The following GABRB1 variants were observed in gnomAD, a reference collection of about 807,000 sequenced individuals.
GABRB1 encodes gamma-aminobutyric acid receptor subunit beta-1.
A neutral mutation model predicts 51.6 loss-of-function variants in GABRB1; 17 were observed. That is an observed-to-expected ratio of 0.33 (90% confidence interval 0.23 to 0.49). The LOEUF (loss-of-function observed/expected upper bound fraction) is 0.49, where lower values mean the gene tolerates loss of function less well. Ranked by LOEUF, GABRB1 falls within the 20% of genes least tolerant of loss-of-function variation. The pLI is 0.99. For missense variants in GABRB1, 410 were observed against 600.6 expected (o/e 0.68, Z 3.32); for synonymous variants, 247 against 218.9 (o/e 1.13, Z -1.14).
At chr4:47,387,244 C>T (rs1226912611) in intron 5 of GABRB1, among the ~76,000 whole-genome samples, 1 of 152,168 alleles carries the variant, frequency 6.6e-6, no homozygotes, top group Admixed American at 6.5e-5. Flanking sequence ...GGTGGATCAC[C>T]TGAGGTCAGA....
chr4:47,297,310 G>A (rs1377184415), intron 4 of GABRB1, among the ~76,000 whole-genome samples: 124 of 119,134 alleles, frequency 1.0e-3, no homozygotes, highest in East Asian at 1.9e-3. Context: ...AAAAATTAAT[G>A]AATCCAGGAG....
intron 4 of GABRB1, among the ~76,000 whole-genome samples, chr4:47,259,167 G>A (rs1420906642): frequency 6.6e-6 from 1 of 152,026 alleles, no homozygotes. Context: ...ATCCCAGCAT[G>A]CCTCTATGAA....
rs1464972669 is a variant in GABRB1, at chr4:47,033,427, G to T, written c.240+943G>T. Among the ~76,000 whole-genome samples, 3 of 152,134 alleles carry T rather than the reference G, an allele frequency of 2.0e-5. No homozygotes were observed. The East Asian group carries it at 5.8e-4, about 29-fold the overall frequency. ...CTGTTGCTTCTCGTAAGACGGAAAA[G>T]CCTGTTGCTTTTCTAGAATCAACCA... On this transcript the variant is annotated intron_variant, in intron 3 of 8. Coordinates refer to ENST00000295454, the MANE Select transcript of GABRB1 (RefSeq NM_000812.4).
At chr4:47,393,714 T>C (rs1417266939) in intron 5 of GABRB1, among the ~76,000 whole-genome samples, 1 of 152,234 alleles carries the variant, frequency 6.6e-6, no homozygotes, top group East Asian at 1.9e-4. Context: ...TATATGTTAC[T>C]TCTTCTGCCA....
intron 4 of GABRB1, among the ~76,000 whole-genome samples, chr4:47,216,339 G>C (rs1174878315): frequency 6.6e-6 from 1 of 151,816 alleles, no homozygotes; most frequent in South Asian, 2.1e-4. Context: ...GTGACATACA[G>C]TTTTCTACCC....
Position 47,091,489 on chromosome 4 carries a change from A to G in GABRB1, c.240+59005A>G, listed in dbSNP as rs188070928. 2.3e-4 allele frequency among the ~76,000 whole-genome samples: 35 copies of G among 152,300 alleles called. 1 individual carries two copies. The highest frequency in any genetic ancestry group is 1.8e-3 in the Admixed American group (28 of 15,294). The stretch of plus-strand genomic sequence containing the variant: ...TTAAAAACGCTCACTAAATTTTAGG[A>G]CCAAAGTAAGAACCATTTTTGTGAC... On this transcript the variant is annotated intron_variant, in intron 3 of 8. Coordinates refer to ENST00000295454, the MANE Select transcript of GABRB1 (RefSeq NM_000812.4).
intron 4 of GABRB1, among the ~76,000 whole-genome samples, chr4:47,165,457 C>T (rs180706498): frequency 4.2e-4 from 64 of 152,198 alleles, no homozygotes; most frequent in African/African-American, 1.5e-3. Context: ...ATGCTACTTT[C>T]CTATAACAAC....
chr4:47,309,686 T>A (rs562536127), intron 4 of GABRB1, among the ~76,000 whole-genome samples: 1 of 152,086 alleles, frequency 6.6e-6, no homozygotes, highest in African/African-American at 2.4e-5. Context: ...TACCTATAGG[T>A]TGACCAAAGT....
intron 1 of GABRB1, among the ~76,000 whole-genome samples, chr4:47,008,190 G>A (rs1292354559): frequency 6.6e-6 from 1 of 152,006 alleles, no homozygotes; most frequent in African/African-American, 2.4e-5. Context: ...CTTGAGTGTT[G>A]TCATTCATTA....
chr4:47,282,398 C>T (rs1357629258), intron 4 of GABRB1, among the ~76,000 whole-genome samples: 2 of 152,166 alleles, frequency 1.3e-5, no homozygotes, highest in Non-Finnish European at 2.9e-5. Context: ...CACATGCATG[C>T]TAGCACATAT....
chr4:47,247,420 T>G (rs1006587503), intron 4 of GABRB1, among the ~76,000 whole-genome samples: 17 of 152,196 alleles, frequency 1.1e-4, no homozygotes, highest in African/African-American at 4.1e-4. Flanking sequence ...TTGGTGACTA[T>G]AGCCTTACAG....
chr4:47,318,796 GA>G (rs1724971932), intron 4 of GABRB1, among the ~76,000 whole-genome samples: 1 of 152,022 alleles, frequency 6.6e-6, no homozygotes, highest in African/African-American at 2.4e-5. Context: ...ATTCACTTTT[GA>G]ATTGACAAAG....
intron 3 of GABRB1, among the ~76,000 whole-genome samples, chr4:47,110,103 A>C (rs1715154462): frequency 1.3e-5 from 2 of 152,262 alleles, no homozygotes; most frequent in African/African-American, 4.8e-5. Flanking sequence ...AAGGAACCTA[A>C]TGTGTCTAGC....
At position 47,019,947 on chromosome 4, in the gene GABRB1, T is replaced by C. The variant is rs61373437; in HGVS notation, c.-19-11967T>C. ...ACGTATATGTATACGTATATGTATA[T>C]GTATATGTATATATATTTTGTAGAG... On this transcript the variant is annotated intron_variant, in intron 1 of 3. Transcript: ENST00000513567. Among the ~76,000 whole-genome samples, 10 of 117,642 alleles carry C rather than the reference T, an allele frequency of 8.5e-5. No homozygotes were observed. The East Asian group carries it at 1.2e-3, about 14-fold the overall frequency. 77.2% of individuals were successfully genotyped at this position (117,642 alleles called of 152,430 possible).
chr4:47,312,286 C>A (rs1724720416), intron 4 of GABRB1, among the ~76,000 whole-genome samples: 1 of 152,128 alleles, frequency 6.6e-6, no homozygotes, highest in Non-Finnish European at 1.5e-5. Context: ...TCATTTATGT[C>A]TCACGCTCCC....
chr4:47,081,289 T>A (rs564149382), intron 3 of GABRB1, among the ~76,000 whole-genome samples: 1 of 152,158 alleles, frequency 6.6e-6, no homozygotes, highest in African/African-American at 2.4e-5. Context: ...GTCTTCATGT[T>A]TGATATTTAA....
chr4:47,219,778 C>T (rs976272786), intron 4 of GABRB1, among the ~76,000 whole-genome samples: 2 of 151,860 alleles, frequency 1.3e-5, no homozygotes, highest in African/African-American at 4.8e-5. Flanking sequence ...ATCTCCTCCT[C>T]TCTGATTCAA....
rs111729224 is a variant in GABRB1 at position 47,091,946 on chromosome 4, A to T, written c.240+59462A>T. 2.9e-4 allele frequency among the ~76,000 whole-genome samples: 44 copies of T among 151,682 alleles called. 1 individual carries two copies. Among genetic ancestry groups the T allele is most frequent in the African/African-American group, 9.9e-4 (41 of 41,280 alleles). ...TTCTCCTTTTTCCTGGTTAAATCAC[A>T]CTCCATCTATCTCTGTTCAAATATT... On this transcript the variant is annotated intron_variant, in intron 3 of 8. Coordinates refer to ENST00000295454, the MANE Select transcript of GABRB1 (RefSeq NM_000812.4).
chr4:47,229,462 C>T (rs1382710826), intron 4 of GABRB1, among the ~76,000 whole-genome samples: 1 of 152,034 alleles, frequency 6.6e-6, no homozygotes, highest in Non-Finnish European at 1.5e-5. Context: ...AGTAAGAAAA[C>T]GAGTGTATCC....
Sources: gnomAD v4.1 joint callset for allele counts (sites outside exome capture counted in the v4.1 genomes callset) on GRCh38, gnomAD v4.1.1 for gene constraint, MANE v1.5 for transcripts, NCBI Gene and HGNC (gene_info 2026-07-23, HGNC 2026-07-21) for gene names.